VWC2: variants seen among roughly 807,000 people sequenced by gnomAD.
The protein encoded by VWC2 is von Willebrand factor C domain containing 2.
A neutral mutation model predicts 29.8 loss-of-function variants in VWC2; 14 were observed. The observed-to-expected ratio is 0.47, with a 90% CI of 0.31 to 0.74. The LOEUF is 0.74. Ranked by LOEUF, VWC2 falls within the 30% of genes least tolerant of loss-of-function variation. The pLI is 0.05. For missense variants in VWC2, 457 were observed against 459.8 expected (o/e 0.99, Z 0.05); for synonymous variants, 213 against 199.0 (o/e 1.07, Z -0.59).
intron 3 of VWC2, among the ~76,000 whole-genome samples, chr7:49,860,351 T>C (rs1370616244): frequency 6.6e-6 from 1 of 152,226 alleles, no homozygotes. Flanking sequence ...ACTCATTCAA[T>C]ATTTGTCCTT....
At chr7:49,848,881 T>C (rs569168039) in intron 3 of VWC2, among the ~76,000 whole-genome samples, 4 of 152,322 alleles carry the variant, frequency 2.6e-5, no homozygotes, top group South Asian at 4.1e-4. Context: ...CAGAAAGGAA[T>C]CTAGACAGAA....
At chr7:49,840,536 G>A (rs1272473454) in intron 3 of VWC2, among the ~76,000 whole-genome samples, 3 of 152,010 alleles carry the variant, frequency 2.0e-5, no homozygotes, top group African/African-American at 7.3e-5. Context: ...GGTGGGAGGG[G>A]GTGACTATGG....
At chr7:49,882,301 T>G (rs187372550) in intron 3 of VWC2, among the ~76,000 whole-genome samples, 1 of 152,292 alleles carries the variant, frequency 6.6e-6, no homozygotes, top group Admixed American at 6.5e-5. Context: ...CTGCTAAGCC[T>G]TCCTCACTTT....
intron 2 of VWC2, among the ~76,000 whole-genome samples, chr7:49,776,969 C>A (rs772382449): frequency 6.6e-6 from 1 of 152,234 alleles, no homozygotes; most frequent in African/African-American, 2.4e-5. Flanking sequence ...AGGTTTTTAA[C>A]CCTTATACTC....
At chr7:49,777,319 C>T (rs1484975485) in intron 2 of VWC2, among the ~76,000 whole-genome samples, 1 of 152,128 alleles carries the variant, frequency 6.6e-6, no homozygotes, top group East Asian at 1.9e-4. Flanking sequence ...GGATGTGAAG[C>T]CCATGTAATT....
At chr7:49,822,829 G>T (rs114546739) in intron 3 of VWC2, among the ~76,000 whole-genome samples, 192 of 152,328 alleles carry the variant, frequency 1.3e-3, no homozygotes, top group African/African-American at 4.5e-3. Flanking sequence ...CACCTATGTT[G>T]TTGCCTGTAT....
chr7:49,865,695 C>G (rs1790855956), intron 3 of VWC2, among the ~76,000 whole-genome samples: 1 of 152,218 alleles, frequency 6.6e-6, no homozygotes, highest in African/African-American at 2.4e-5. Context: ...GTGAAAGTCA[C>G]ACCTAAGGGT....
At chr7:49,805,597 T>A (rs571393584) in intron 3 of VWC2, among the ~76,000 whole-genome samples, 2 of 152,158 alleles carry the variant, frequency 1.3e-5, no homozygotes, top group East Asian at 3.8e-4. Flanking sequence ...ATGAAAACAG[T>A]TTCTATGAAA....
chr7:49,897,608 C>T (rs966254689), intron 3 of VWC2, among the ~76,000 whole-genome samples: 20 of 152,178 alleles, frequency 1.3e-4, no homozygotes, highest in Admixed American at 2.6e-4. Flanking sequence ...TCTTGGATCC[C>T]TCAGAGGTCA....
At chr7:49,848,952 A>G (rs1329512278) in intron 3 of VWC2, among the ~76,000 whole-genome samples, 1 of 152,260 alleles carries the variant, frequency 6.6e-6, no homozygotes, top group East Asian at 1.9e-4. Context: ...TGATAGCACA[A>G]AAAGTTATCT....
intron 3 of VWC2, among the ~76,000 whole-genome samples, chr7:49,834,852 T>C (rs527240): frequency 0.018 from 2,670 of 152,298 alleles, 86 homozygotes; most frequent in African/African-American, 0.062. Flanking sequence ...TCAGAAGACC[T>C]GGAGCCACCC....
chr7:49,784,506 G>A (rs1171910931), intron 2 of VWC2, among the ~76,000 whole-genome samples: 1 of 152,200 alleles, frequency 6.6e-6, no homozygotes, highest in African/African-American at 2.4e-5. Context: ...CCGGGTTGTG[G>A]CACGTGAAGA....
intron 2 of VWC2, among the ~76,000 whole-genome samples, chr7:49,801,592 T>G (rs1037276840): frequency 2.0e-5 from 3 of 152,212 alleles, no homozygotes; most frequent in African/African-American, 7.2e-5. Flanking sequence ...AGGCAGAGTA[T>G]GAGCCCATGG....
chr7:49,814,277 C>A (rs1789082041), intron 3 of VWC2, among the ~76,000 whole-genome samples: 1 of 152,154 alleles, frequency 6.6e-6, no homozygotes, highest in Non-Finnish European at 1.5e-5. Context: ...CTAATACTAA[C>A]TCTGTGTTTG....
At chr7:49,889,062 A>C (rs1204167584) in intron 3 of VWC2, among the ~76,000 whole-genome samples, 5 of 152,226 alleles carry the variant, frequency 3.3e-5, no homozygotes, top group Non-Finnish European at 7.3e-5. Context: ...CTGCTTTCTG[A>C]ATTGGAGTTG....
At chr7:49,844,658 AG>A (rs900152897) in intron 3 of VWC2, among the ~76,000 whole-genome samples, 2 of 152,164 alleles carry the variant, frequency 1.3e-5, no homozygotes, top group African/African-American at 4.8e-5. Context: ...GACACGTAGC[AG>A]CCACATTACC....
At chr7:49,898,270 T>C (rs1467570232) in intron 3 of VWC2, among the ~76,000 whole-genome samples, 1 of 152,104 alleles carries the variant, frequency 6.6e-6, no homozygotes, top group Non-Finnish European at 1.5e-5. Flanking sequence ...GTTGCTGTTA[T>C]TATGAACTGT....
intron 2 of VWC2, among the ~76,000 whole-genome samples, chr7:49,782,696 A>G (rs982815271): frequency 1.3e-5 from 2 of 151,608 alleles, no homozygotes; most frequent in African/African-American, 4.8e-5. Flanking sequence ...AATTGAAAAA[A>G]AAAAAAAAGG....
chr7:49,892,625 T>C (rs929446292), intron 3 of VWC2, among the ~76,000 whole-genome samples: 1 of 152,206 alleles, frequency 6.6e-6, no homozygotes, highest in Non-Finnish European at 1.5e-5. Flanking sequence ...GGCATTTTTG[T>C]GTGTGCTCTC....
Sources: allele counts gnomAD v4.1 joint callset (sites outside exome capture counted in the v4.1 genomes callset), GRCh38; gene constraint gnomAD v4.1.1; transcripts MANE v1.5; gene names NCBI Gene and HGNC (gene_info 2026-07-23, HGNC 2026-07-21).